The following USP6 variants were observed in gnomAD, a reference collection of about 807,000 sequenced individuals.
USP6 encodes the protein ubiquitin specific peptidase 6.
In USP6, 128 loss-of-function variants were observed where a neutral mutation model predicts 175.7. That is an observed-to-expected ratio of 0.73 (90% CI 0.63 to 0.84). USP6 has a LOEUF of 0.84. USP6 is among the 40% of genes least tolerant of loss of function. The pLI, the probability that USP6 is intolerant of heterozygous loss-of-function variation, is 0.00. For missense variants in USP6, 1,498 were observed against 1,760.3 expected, an observed-to-expected ratio of 0.85 and a Z score of 2.67; for synonymous variants, 562 against 630.6, an observed-to-expected ratio of 0.89 and a Z score of 1.63.
chr17:5,146,305 C>T (rs939375360), intron 28 of USP6, 131 bp downstream of exon 28: 62 of 1,293,656 alleles, frequency 4.8e-5, no homozygotes, highest in Non-Finnish European at 6.2e-5. Flanking sequence ...TGAACAACAA[C>T]AAAAAATGCC....
At chr17:5,155,397 T>C (rs1469343958) in intron 30 of USP6, 25 bp from the exon 31 acceptor site, 2 of 1,609,114 alleles carry the variant, frequency 1.2e-6, no homozygotes. Flanking sequence ...TCTTCTCAAC[T>C]CTCTATTCTC....
At chr17:5,159,764 A>T (rs1166959627) in intron 31 of USP6, among the ~76,000 whole-genome samples, 1 of 152,066 alleles carries the variant, frequency 6.6e-6, no homozygotes, top group Non-Finnish European at 1.5e-5. Context: ...GGAGTTCAAG[A>T]CCAGGCTGGA....
intron 37 of USP6, among the ~76,000 whole-genome samples, chr17:5,172,516 C>T (rs1221045592): frequency 2.6e-5 from 4 of 151,982 alleles, no homozygotes; most frequent in East Asian, 1.9e-4. Context: ...GGTGACAGAG[C>T]GAGACTCCAT....
At chr17:5,138,875 C>A in intron 21 of USP6, 1 of 765,004 alleles carries the variant, frequency 1.3e-6, no homozygotes, top group Admixed American at 2.5e-5. Context: ...GGCCCAGTCA[C>A]CCACTGCGGA....
rs1172640471 is a variant in USP6, at chr17:5,173,913, GTGTT to G, written c.*941_*944del. The G allele has an allele frequency of 9.0e-6, 2 of 221,060 alleles. No individual in the cohort carries two copies. The highest frequency in any genetic ancestry group is 2.2e-5 in the African/African-American group (1 of 44,664). The allele number at this position is 221,060 out of a possible 1,614,324, so 13.7% of individuals were successfully genotyped here. On this transcript the variant is annotated 3_prime_UTR_variant, in exon 38 of 38. Transcript: ENST00000574788. ...TCACAATTAGTGGTTATTCTTTTCT[GTGTT>G]TGTTTTGCACTTTAAAAAAGAGAGA...
intron 33 of USP6, 134 bp from the exon 34 acceptor site, chr17:5,167,798 C>T: frequency 8.9e-7 from 1 of 1,127,552 alleles, no homozygotes; most frequent in Middle Eastern, 3.1e-4. Context: ...GCCATCATAC[C>T]CAGCCAGTTG....
At chr17:5,150,235 T>A (rs932890261) in intron 30 of USP6, among the ~76,000 whole-genome samples, 5 of 151,610 alleles carry the variant, frequency 3.3e-5, no homozygotes, top group African/African-American at 1.2e-4. Context: ...GAGGTTGCTG[T>A]GAGCTGAGAT....
At chr17:5,158,051 T>C (rs2073923382) in intron 31 of USP6, among the ~76,000 whole-genome samples, 2 of 152,212 alleles carry the variant, frequency 1.3e-5, no homozygotes, top group Admixed American at 6.5e-5. Flanking sequence ...TCAAGAAGTC[T>C]ATTATATATT....
intron 33 of USP6, among the ~76,000 whole-genome samples, chr17:5,165,124 T>C (rs1403637303): frequency 6.6e-6 from 1 of 152,180 alleles, no homozygotes; most frequent in Non-Finnish European, 1.5e-5. Flanking sequence ...ATACTGGAAA[T>C]AATACCTTCA....
At chr17:5,142,528 G>A in intron 25 of USP6, 26 bp downstream of exon 25, 1 of 1,583,404 alleles carries the variant, frequency 6.3e-7, no homozygotes, top group Middle Eastern at 1.7e-4. Context: ...TAATATAAAA[G>A]TATTTAATTC....
At chr17:5,169,231 C>CT (rs2074161451) in intron 35 of USP6, among the ~76,000 whole-genome samples, 176 bp downstream of exon 35, 1 of 152,188 alleles carries the variant, frequency 6.6e-6, no homozygotes, top group Non-Finnish European at 1.5e-5. Flanking sequence ...CTCCCTGAAT[C>CT]TATTTCCTCA....
At chr17:5,138,952 A>T in intron 21 of USP6, 1 of 1,408,932 alleles carries the variant, frequency 7.1e-7, no homozygotes, top group Non-Finnish European at 9.5e-7. Context: ...TTGAGTTCTG[A>T]TGGGGGGCCA....
At chr17:5,126,809 G>A (rs1293885446) in intron 6 of USP6, 1 of 152,340 alleles carries the variant, frequency 6.6e-6, no homozygotes, top group Non-Finnish European at 1.5e-5. Context: ...CAAGCACAGG[G>A]CTGCAGGACC....
rs549021333 is a variant in USP6, at chr17:5,130,816, G to C, written c.155+132G>C. 18 of 1,257,926 alleles carry C rather than the reference G, an allele frequency of 1.4e-5. No homozygotes were observed. In the African/African-American group the frequency reaches 2.2e-4, roughly 15 times the overall value. 77.9% of individuals were successfully genotyped at this position (1,257,926 alleles called of 1,614,324 possible). ...CGGGCCAACCTCTTTTCCAGGGTCAGAACTCCTCCCTGGCTCCCCTGCAGG... is the reference window on the plus strand; with the variant it reads ...CGGGCCAACCTCTTTTCCAGGGTCACAACTCCTCCCTGGCTCCCCTGCAGG... On this transcript the variant is annotated intron_variant, in intron 11 of 37. Transcript: ENST00000574788.
intron 25 of USP6, among the ~76,000 whole-genome samples, chr17:5,143,703 A>G (rs1233542359): frequency 8.6e-5 from 13 of 151,750 alleles, no homozygotes; most frequent in African/African-American, 2.9e-4. Context: ...CTATTGTCCC[A>G]TGACCCTGCC....
intron 31 of USP6, among the ~76,000 whole-genome samples, chr17:5,160,951 A>G (rs1039905498): frequency 4.6e-5 from 7 of 152,234 alleles, no homozygotes; most frequent in African/African-American, 1.7e-4. Flanking sequence ...CAGCACACCA[A>G]CATGGCACAT....
intron 30 of USP6, among the ~76,000 whole-genome samples, chr17:5,149,412 C>G (rs1305487822): frequency 6.6e-6 from 1 of 151,248 alleles, no homozygotes; most frequent in Non-Finnish European, 1.5e-5. Flanking sequence ...CAAAAAAAAA[C>G]AAAAACAAAA....
chr17:5,130,757 A>T, intron 11 of USP6, 73 bp downstream of exon 11: 3 of 1,573,842 alleles, frequency 1.9e-6, no homozygotes, highest in Non-Finnish European at 1.7e-6. Context: ...GCTTTTAGAA[A>T]GGCCTTTCTG....
At chr17:5,148,964 C>T (rs187323128) in intron 30 of USP6, among the ~76,000 whole-genome samples, 197 bp downstream of exon 30, 58 of 151,942 alleles carry the variant, frequency 3.8e-4, no homozygotes, top group Admixed American at 7.9e-4. Context: ...AATGTATTTT[C>T]AATGTATTAT....
Sources: gnomAD v4.1 joint callset for allele counts (sites outside exome capture counted in the v4.1 genomes callset) on GRCh38, gnomAD v4.1.1 for gene constraint, MANE v1.5 for transcripts, NCBI Gene and HGNC (gene_info 2026-07-23, HGNC 2026-07-21) for gene names.